Variants in STRN3 observed in about 807,000 individuals in gnomAD.
STRN3 encodes striatin-3.
STRN3 carries 29 observed loss-of-function variants against 95.6 expected under a neutral mutation model. The observed-to-expected ratio is 0.30, with a 90% confidence interval of 0.23 to 0.41. The LOEUF (loss-of-function observed/expected upper bound fraction) is 0.41, where lower values mean the gene tolerates loss of function less well. STRN3 is among the 10% of genes least tolerant of loss of function. The probability of loss-of-function intolerance (pLI) is 1.00; values close to 1 mark genes in which losing one functional copy is unlikely to be tolerated. For missense variants in STRN3, 890 were observed against 972.1 expected, an observed-to-expected ratio of 0.92 and a Z score of 1.12; for synonymous variants, 331 against 357.6, an observed-to-expected ratio of 0.93 and a Z score of 0.84.
In STRN3 at chr14:30,946,823, C is replaced by G. The variant is rs148836401; in HGVS notation, c.716+267G>C. 6.9e-4 allele frequency among the ~76,000 whole-genome samples: 105 copies of G among 151,766 alleles called. No homozygotes were observed. The East Asian group carries it at 0.014, about 20-fold the overall frequency. Reference sequence around the variant, plus strand: ...TGAAACCCCGTGTCTACTAAAAATACAAAAAATTAGCCAGGAGTGGTGGTG... The same window carrying G: ...TGAAACCCCGTGTCTACTAAAAATAGAAAAAATTAGCCAGGAGTGGTGGTG... On this transcript the variant is annotated intron_variant, in intron 5 of 17. Coordinates refer to ENST00000357479, the MANE Select transcript of STRN3 (RefSeq NM_001083893.2).
chr14:31,018,207 G>A (rs571499314), intron 1 of STRN3, among the ~76,000 whole-genome samples: 70 of 151,256 alleles, frequency 4.6e-4, no homozygotes, highest in Non-Finnish European at 9.3e-4. Context: ...GGCAACAGCC[G>A]AGGCAGGCTG....
intron 1 of STRN3, among the ~76,000 whole-genome samples, chr14:30,957,162 G>C (rs1368401029): frequency 7.1e-6 from 1 of 140,514 alleles, no homozygotes; most frequent in Non-Finnish European, 1.5e-5. Context: ...TGTCTCAAAA[G>C]AAAAAAGAGG....
rs551859148 is a variant in STRN3 at position 30,993,562 on chromosome 14, C to T, written c.282+32342G>A. 3.3e-5 allele frequency among the ~76,000 whole-genome samples: 5 copies of T among 152,246 alleles called. No homozygotes were observed. In the East Asian group the frequency reaches 9.6e-4, roughly 29 times the overall value. On this transcript the variant is annotated intron_variant, in intron 1 of 17. Coordinates refer to ENST00000357479, the MANE Select transcript of STRN3 (RefSeq NM_001083893.2). ...AGAACTTCCTTGTAGTAGCCTATGGCATCAGATGCTTTATTCAAAAGAAAT... is the reference window on the plus strand; with the variant it reads ...AGAACTTCCTTGTAGTAGCCTATGGTATCAGATGCTTTATTCAAAAGAAAT...
intron 3 of STRN3, among the ~76,000 whole-genome samples, chr14:30,952,982 T>A (rs1879726820): frequency 6.6e-6 from 1 of 152,168 alleles, no homozygotes. Flanking sequence ...CCACCCTTTT[T>A]AAAAATGTGC....
intron 1 of STRN3, among the ~76,000 whole-genome samples, chr14:31,001,817 G>C (rs1189143706): frequency 6.6e-6 from 1 of 151,840 alleles, no homozygotes; most frequent in African/African-American, 2.4e-5. Flanking sequence ...CCTGAGGTCA[G>C]GAGTTCCAGA....
chr14:31,018,610 G>T, intron 1 of STRN3: 1 of 507,740 alleles, frequency 2.0e-6, no homozygotes, highest in Non-Finnish European at 4.0e-6. Flanking sequence ...TTACCCAGCA[G>T]ACCACAGAGC....
intron 1 of STRN3, among the ~76,000 whole-genome samples, chr14:31,021,000 G>A (rs1461043307): frequency 2.0e-5 from 3 of 151,998 alleles, no homozygotes; most frequent in East Asian, 1.9e-4. Flanking sequence ...GCACAAAATC[G>A]CACTCAAATA....
Position 30,955,518 on chromosome 14 carries a change from C to A in STRN3, c.460+102G>T. 4 of 925,002 alleles carry A rather than the reference C, an allele frequency of 4.3e-6. No homozygotes were observed. The East Asian group carries it at 1.2e-4, about 27-fold the overall frequency. 57.3% of individuals were successfully genotyped at this position (925,002 alleles called of 1,614,324 possible). On this transcript the variant is annotated intron_variant, in intron 3 of 17. Transcript: ENST00000357479. ...CAAATTCTAGACAGTTTACAATAGT[C>A]ATTCTCTAATATTATCAAACCAAAA...
intron 16 of STRN3, among the ~76,000 whole-genome samples, chr14:30,901,894 G>A (rs542124308): frequency 3.0e-4 from 46 of 152,104 alleles, no homozygotes; most frequent in African/African-American, 1.0e-3. Context: ...ACGACCGGGC[G>A]CGGTGGCTCA....
At chr14:30,938,600 C>CA (rs1055480358) in intron 5 of STRN3, among the ~76,000 whole-genome samples, 15 of 151,944 alleles carry the variant, frequency 9.9e-5, no homozygotes, top group African/African-American at 2.9e-4. Context: ...AAATGGAACA[C>CA]AATGCATAAA....
chr14:30,926,119 T>G (rs771994821), intron 8 of STRN3, among the ~76,000 whole-genome samples: 2 of 151,964 alleles, frequency 1.3e-5, no homozygotes, highest in Non-Finnish European at 2.9e-5. Context: ...TATTAAAGAG[T>G]GAAAAGTTTT....
Position 31,025,892 on chromosome 14 carries a change from C to G in STRN3, c.282+12G>C, listed in dbSNP as rs1169434575. On this transcript the variant is annotated intron_variant, in intron 1 of 17. Transcript: ENST00000357479. ...CCGCCGCAGCTCCCGCACACCGACC[C>G]CAACGAGGTACCTGCAGTTCGGCCC... The G allele has an allele frequency of 6.3e-7, 1 of 1,597,156 alleles. No homozygotes were observed. The highest frequency in any genetic ancestry group is 8.5e-7 in the Non-Finnish European group (1 of 1,172,846).
intron 1 of STRN3, among the ~76,000 whole-genome samples, chr14:30,985,256 C>G (rs575862601): frequency 6.7e-6 from 1 of 149,354 alleles, no homozygotes; most frequent in East Asian, 2.0e-4. Flanking sequence ...TGCAGTGAGC[C>G]ACGATGGCAC....
At chr14:30,925,697 G>A (rs1897010752) in intron 8 of STRN3, among the ~76,000 whole-genome samples, 2 of 152,086 alleles carry the variant, frequency 1.3e-5, no homozygotes. Flanking sequence ...TATGAGTGCT[G>A]TAACCACAAA....
rs747116961 is a variant in STRN3, at chr14:30,907,029, G to A, written c.1736C>T (p.Ala579Val). The A allele has an allele frequency of 6.2e-7, 1 of 1,609,306 alleles. No homozygotes were observed. Among genetic ancestry groups the A allele is most frequent in the Admixed American group, 1.7e-5 (1 of 58,676 alleles). The change falls in exon 14 of 18, where the codon GCT becomes GTT. Residue 579 changes from alanine (A) to valine (V), a missense_variant. Coordinates refer to ENST00000357479, the MANE Select transcript of STRN3 (RefSeq NM_001083893.2). The part of the protein sequence containing the change: ...PYDTYEPNVL[A>V]GTLVGHTDAV... ...ATCTGTATGACCAACTAAAGTGCCA[G>A]CTAGAACATTTGGCTCTGGGGAAAA... is the stretch of plus-strand genomic sequence containing the variant.
At position 30,918,947 on chromosome 14, in the gene STRN3, T is replaced by C. The variant is rs1201953661; in HGVS notation, c.1240+19A>G. On this transcript the variant is annotated intron_variant, in intron 9 of 17. Coordinates refer to ENST00000357479, the MANE Select transcript of STRN3 (RefSeq NM_001083893.2). ...AGGTCTTCTGAAATGTAAATAAACA[T>C]GGTAGCTAAATTTTGTACCTTCCTC... 2.6e-6 allele frequency: 4 copies of C among 1,550,104 alleles called. No individual in the cohort carries two copies. Among genetic ancestry groups the C allele is most frequent in the Middle Eastern group, 1.7e-4 (1 of 5,782 alleles).
intron 1 of STRN3, among the ~76,000 whole-genome samples, chr14:30,984,552 C>T (rs924934613): frequency 1.3e-5 from 2 of 151,514 alleles, no homozygotes; most frequent in Admixed American, 6.6e-5. Flanking sequence ...GGCTGAGGTG[C>T]GCAGATCACG....
chr14:31,015,378 T>TA (rs1284887334), intron 1 of STRN3, among the ~76,000 whole-genome samples: 1 of 145,746 alleles, frequency 6.9e-6, no homozygotes, highest in African/African-American at 2.6e-5. Context: ...CACTTTCAAT[T>TA]TTTTTTTTTT....
At chr14:30,999,544 A>G (rs1000798061) in intron 1 of STRN3, among the ~76,000 whole-genome samples, 4 of 152,228 alleles carry the variant, frequency 2.6e-5, no homozygotes, top group Non-Finnish European at 5.9e-5. Flanking sequence ...GAAAAACTCA[A>G]TAGAAGGGCT....
Sources: allele counts gnomAD v4.1 joint callset (sites outside exome capture counted in the v4.1 genomes callset), GRCh38; gene constraint gnomAD v4.1.1; transcripts MANE v1.5; gene names NCBI Gene and HGNC (gene_info 2026-07-23, HGNC 2026-07-21).